Variants in TYR observed in about 807,000 individuals in gnomAD.
The protein encoded by TYR is tyrosinase.
In TYR, 58 loss-of-function variants were observed where a neutral mutation model predicts 51.5. That is an observed-to-expected ratio of 1.13 (90% confidence interval 0.91 to 1.40). The LOEUF is 1.40. TYR is among the 40% of genes most tolerant of loss of function. The pLI is 0.00. For synonymous variants in TYR, 263 were observed against 235.2 expected, an observed-to-expected ratio of 1.12 and a Z score of -1.08; for missense variants, 732 against 647.4, an observed-to-expected ratio of 1.13 and a Z score of -1.42.
At chr11:89,227,712 T>G in intron 2 of TYR, 111 bp from the exon 3 acceptor site, 1 of 943,382 alleles carries the variant, frequency 1.1e-6, no homozygotes, top group Non-Finnish European at 1.6e-6. Flanking sequence ...TATTTTTGAT[T>G]TTATATTTTG....
intron 3 of TYR, among the ~76,000 whole-genome samples, chr11:89,246,256 G>A (rs941424519): frequency 2.6e-5 from 4 of 152,170 alleles, no homozygotes; most frequent in African/African-American, 9.7e-5. Flanking sequence ...CCGTGATTAT[G>A]TCCTGGGTCT....
chr11:89,256,622 T>TG (rs1272904551), intron 3 of TYR, among the ~76,000 whole-genome samples: 1 of 151,500 alleles, frequency 6.6e-6, no homozygotes, highest in East Asian at 1.9e-4. Flanking sequence ...AATTCAAAAG[T>TG]GGAAAAAAAA....
At chr11:89,182,530 T>C (rs929998778) in intron 1 of TYR, among the ~76,000 whole-genome samples, 5 of 152,178 alleles carry the variant, frequency 3.3e-5, no homozygotes, top group South Asian at 2.1e-4. Context: ...AGGTGCAACA[T>C]AGCTGAGTGT....
chr11:89,272,806 T>C (rs1357632045), intron 3 of TYR, among the ~76,000 whole-genome samples: 2 of 151,928 alleles, frequency 1.3e-5, no homozygotes, highest in East Asian at 1.9e-4. Flanking sequence ...TCAGAACTTA[T>C]TGCTTCACCT....
At chr11:89,227,681 G>C (rs1943993650) in intron 2 of TYR, 142 bp from the exon 3 acceptor site, 1 of 747,522 alleles carries the variant, frequency 1.3e-6, no homozygotes, top group African/African-American at 1.8e-5. Flanking sequence ...AATGTAAAGA[G>C]TCTCAATACG....
intron 3 of TYR, among the ~76,000 whole-genome samples, chr11:89,259,512 T>G (rs1944433240): frequency 6.6e-6 from 1 of 152,054 alleles, no homozygotes; most frequent in Non-Finnish European, 1.5e-5. Context: ...TAACATCAAA[T>G]ATTACTACTC....
At chr11:89,201,839 T>A (rs763909548) in intron 2 of TYR, among the ~76,000 whole-genome samples, 2 of 152,224 alleles carry the variant, frequency 1.3e-5, no homozygotes, top group African/African-American at 4.8e-5. Context: ...GATTGTAGAA[T>A]AATTTCTTTT....
At chr11:89,266,433 G>C (rs1944526553) in intron 3 of TYR, among the ~76,000 whole-genome samples, 1 of 151,812 alleles carries the variant, frequency 6.6e-6, no homozygotes, top group Non-Finnish European at 1.5e-5. Context: ...CTTATCTACA[G>C]ATATTACCTC....
At chr11:89,262,825 G>A (rs187389889) in intron 3 of TYR, among the ~76,000 whole-genome samples, 1 of 37,356 alleles carries the variant, frequency 2.7e-5, no homozygotes, top group East Asian at 8.2e-4. Flanking sequence ...CCTGTAGTAA[G>A]TAAAGATACA....
At chr11:89,204,335 A>G (rs1943641727) in intron 2 of TYR, among the ~76,000 whole-genome samples, 1 of 152,112 alleles carries the variant, frequency 6.6e-6, no homozygotes, top group Non-Finnish European at 1.5e-5. Flanking sequence ...TGCTACTTAA[A>G]AGTAATAATG....
At chr11:89,197,732 G>A (rs7925468) in intron 2 of TYR, among the ~76,000 whole-genome samples, 24,476 of 151,860 alleles carry the variant, frequency 0.16, 2,407 homozygotes, top group African/African-American at 0.28. Flanking sequence ...AGAAGCTCTC[G>A]GTGACTGACT....
chr11:89,190,458 A>G (rs1417215301), intron 1 of TYR, among the ~76,000 whole-genome samples: 1 of 152,168 alleles, frequency 6.6e-6, no homozygotes, highest in African/African-American at 2.4e-5. Flanking sequence ...ATTAAATAGC[A>G]TAAAGCTTAT....
chr11:89,209,575 C>T (rs376827150), intron 2 of TYR, among the ~76,000 whole-genome samples: 25 of 152,308 alleles, frequency 1.6e-4, no homozygotes, highest in Middle Eastern at 3.4e-3. Context: ...CAGAATTAAA[C>T]GTCCTTGTCT....
At chr11:89,241,318 T>C (rs1944190637) in intron 3 of TYR, among the ~76,000 whole-genome samples, 1 of 152,206 alleles carries the variant, frequency 6.6e-6, no homozygotes, top group Non-Finnish European at 1.5e-5. Flanking sequence ...TATGTACTCT[T>C]GTCTACCCTG....
chr11:89,201,941 G>A (rs1400322828), intron 2 of TYR, among the ~76,000 whole-genome samples: 1 of 151,980 alleles, frequency 6.6e-6, no homozygotes, highest in Non-Finnish European at 1.5e-5. Flanking sequence ...GATATCTAAA[G>A]GCACATTTGC....
intron 3 of TYR, among the ~76,000 whole-genome samples, chr11:89,241,780 ATAT>A (rs1944198220): frequency 6.8e-6 from 1 of 147,982 alleles, no homozygotes; most frequent in Admixed American, 6.8e-5. Flanking sequence ...ACTATAATAG[ATAT>A]TATATAGTAC....
chr11:89,294,932 C>T (rs1255454896), intron 4 of TYR, among the ~76,000 whole-genome samples: 1 of 152,092 alleles, frequency 6.6e-6, no homozygotes, highest in Non-Finnish European at 1.5e-5. Flanking sequence ...AACGTTCCAA[C>T]AAGAGGGGTA....
At chr11:89,227,423 G>A (rs1943990130) in intron 2 of TYR, among the ~76,000 whole-genome samples, 1 of 152,164 alleles carries the variant, frequency 6.6e-6, no homozygotes, top group Admixed American at 6.6e-5. Context: ...GAACTGGAAA[G>A]CAAGGGGACA....
At chr11:89,190,398 T>A (rs1159210016) in intron 1 of TYR, among the ~76,000 whole-genome samples, 1 of 152,156 alleles carries the variant, frequency 6.6e-6, no homozygotes, top group Non-Finnish European at 1.5e-5. Flanking sequence ...TGTGTATGCT[T>A]GTGTCTCAGT....
Sources: allele counts gnomAD v4.1 joint callset (sites outside exome capture counted in the v4.1 genomes callset), GRCh38; gene constraint gnomAD v4.1.1; transcripts MANE v1.5; gene names NCBI Gene and HGNC (gene_info 2026-07-23, HGNC 2026-07-21).